Variants in HOOK3 observed in about 807,000 individuals in gnomAD.
The protein encoded by HOOK3 is hook microtubule tethering protein 3, also known as protein Hook homolog 3.
HOOK3 carries 24 observed loss-of-function variants against 116.3 expected under a neutral mutation model. That is an observed-to-expected ratio of 0.21 (90% CI 0.15 to 0.29). The LOEUF (loss-of-function observed/expected upper bound fraction) is 0.29, where lower values mean the gene tolerates loss of function less well. Among genes scored for constraint, HOOK3 ranks in the 10% least tolerant of loss-of-function variants. HOOK3 has a pLI of 1.00. For missense variants in HOOK3, 632 were observed against 830.2 expected, an observed-to-expected ratio of 0.76 and a Z score of 2.93; for synonymous variants, 275 against 283.0, an observed-to-expected ratio of 0.97 and a Z score of 0.28.
intron 15 of HOOK3, among the ~76,000 whole-genome samples, chr8:42,994,975 C>T (rs1324010679): frequency 2.6e-5 from 4 of 152,134 alleles, no homozygotes; most frequent in Non-Finnish European, 5.9e-5. Flanking sequence ...ATACATATTT[C>T]CATTTTGCTT....
rs1797612275 is a variant in HOOK3 at position 43,024,339 on chromosome 8, A to G, written c.*5841A>G. Reference sequence around the variant, plus strand: ...CAGTGAAGCCTGTGTAATACCATACAGTAGGATGAAAGACTATTCTGAGCA... The same window carrying G: ...CAGTGAAGCCTGTGTAATACCATACGGTAGGATGAAAGACTATTCTGAGCA... On this transcript the variant is annotated 3_prime_UTR_variant, in exon 22 of 22. Transcript: ENST00000307602. 5.1e-6 allele frequency: 1 copy of G among 194,586 alleles called. No homozygotes were observed. Among genetic ancestry groups the G allele is most frequent in the Admixed American group, 6.1e-5 (1 of 16,420 alleles). 12.1% of individuals were successfully genotyped at this position (194,586 alleles called of 1,614,324 possible).
At chr8:43,000,148 A>G (rs1211576853) in intron 16 of HOOK3, 3 of 594,788 alleles carry the variant, frequency 5.0e-6, no homozygotes, top group Non-Finnish European at 8.2e-6. Flanking sequence ...ACTCCGTCTG[A>G]AAAAAGAAAG....
At chr8:42,963,285 C>T (rs2130419324) in intron 8 of HOOK3, among the ~76,000 whole-genome samples, 1 of 152,252 alleles carries the variant, frequency 6.6e-6, no homozygotes, top group South Asian at 2.1e-4. Flanking sequence ...TCCAAAAATC[C>T]AAAAGCTGAA....
intron 6 of HOOK3, among the ~76,000 whole-genome samples, chr8:42,954,722 A>G (rs770663264): frequency 5.3e-5 from 8 of 152,256 alleles, no homozygotes; most frequent in Non-Finnish European, 8.8e-5. Flanking sequence ...CATGAAAAAG[A>G]TAGACATGGT....
chr8:42,913,826 A>G (rs1401668351), intron 2 of HOOK3, among the ~76,000 whole-genome samples: 1 of 152,002 alleles, frequency 6.6e-6, no homozygotes, highest in Non-Finnish European at 1.5e-5. Context: ...GTGGCTGTCT[A>G]GTGGTTTTAA....
chr8:43,025,879 T>G lies in HOOK3; in HGVS notation c.*7381T>G, dbSNP rs1401040803. On this transcript the variant is annotated 3_prime_UTR_variant, in exon 22 of 22. Coordinates refer to ENST00000307602, the MANE Select transcript of HOOK3 (RefSeq NM_032410.4). ...AAGGCAAAAGTAGACATTTTTAAAG[T>G]ATATTCAACATTGTGCCATTATTTA... The G allele has an allele frequency of 9.5e-6, 2 of 209,878 alleles. No homozygotes were observed. Among genetic ancestry groups the G allele is most frequent in the Non-Finnish European group, 1.9e-5 (2 of 103,542 alleles). The allele number at this position is 209,878 out of a possible 1,614,324, so 13.0% of individuals were successfully genotyped here.
At chr8:42,951,670 G>A (rs187021957) in intron 6 of HOOK3, among the ~76,000 whole-genome samples, 2 of 152,082 alleles carry the variant, frequency 1.3e-5, no homozygotes, top group East Asian at 1.9e-4. Flanking sequence ...GGCCGGGTGC[G>A]GTGGCCTCAC....
At chr8:42,951,663 C>T (rs118032841) in intron 6 of HOOK3, among the ~76,000 whole-genome samples, 2,049 of 152,104 alleles carry the variant, frequency 0.013, 26 homozygotes, top group South Asian at 0.026. Context: ...GAAGACAGGC[C>T]GGGTGCGGTG....
At chr8:42,936,856 T>G (rs1807981022) in intron 4 of HOOK3, among the ~76,000 whole-genome samples, 1 of 152,186 alleles carries the variant, frequency 6.6e-6, no homozygotes, top group Non-Finnish European at 1.5e-5. Context: ...ATTTTCTTTT[T>G]TTCTTGTGTC....
At chr8:42,986,051 T>C (rs937086987) in intron 14 of HOOK3, among the ~76,000 whole-genome samples, 1 of 152,224 alleles carries the variant, frequency 6.6e-6, no homozygotes, top group Admixed American at 6.5e-5. Context: ...TGTCTTCATA[T>C]GAACTAACAT....
intron 17 of HOOK3, among the ~76,000 whole-genome samples, chr8:43,007,261 G>A (rs781659715): frequency 3.9e-5 from 6 of 151,966 alleles, no homozygotes; most frequent in South Asian, 2.1e-4. Context: ...CAAGTGATCC[G>A]CCTGCCAAGG....
chr8:42,975,008 A>G (rs1472164980), intron 13 of HOOK3, among the ~76,000 whole-genome samples: 6 of 152,036 alleles, frequency 3.9e-5, no homozygotes, highest in African/African-American at 1.4e-4. Flanking sequence ...TCACTAGAGG[A>G]TATGAACTCC....
intron 6 of HOOK3, 67 bp from the exon 7 acceptor site, chr8:42,957,027 T>C (rs902076924): frequency 7.6e-6 from 6 of 786,428 alleles, no homozygotes; most frequent in South Asian, 4.0e-5. Flanking sequence ...CATTTTCTTA[T>C]GTTAAGTATT....
At chr8:42,906,144 CT>C (rs1563287797) in intron 1 of HOOK3, 28 bp from the exon 2 acceptor site, 5 of 639,804 alleles carry the variant, frequency 7.8e-6, no homozygotes, top group African/African-American at 2.0e-5. Flanking sequence ...CACAGAATCT[CT>C]CCCCCCCCCC....
intron 2 of HOOK3, among the ~76,000 whole-genome samples, chr8:42,910,991 C>T (rs572917355): frequency 4.6e-5 from 7 of 152,164 alleles, no homozygotes; most frequent in African/African-American, 1.2e-4. Context: ...GATTTCTTCA[C>T]GGAGGGAAGA....
At chr8:43,016,262 C>T (rs925827832) in intron 21 of HOOK3, among the ~76,000 whole-genome samples, 3 of 151,290 alleles carry the variant, frequency 2.0e-5, no homozygotes, top group South Asian at 2.1e-4. Flanking sequence ...GGACTACAGG[C>T]GCCCGACACC....
chr8:42,934,635 A>T (rs759918566), intron 4 of HOOK3, among the ~76,000 whole-genome samples: 2 of 151,866 alleles, frequency 1.3e-5, no homozygotes, highest in Non-Finnish European at 2.9e-5. Context: ...GAGTGAGAAC[A>T]TGCGGTGTTT....
At position 42,973,394 on chromosome 8, in the gene HOOK3, A is replaced by G. The variant is rs765833543; in HGVS notation, c.1228A>G (p.Lys410Glu). The change falls in exon 12 of 22, where the codon AAG (lysine) becomes GAG (glutamate). Residue 410 changes from lysine (K) to glutamate (E), a missense_variant. By Grantham distance (56) the Lys-to-Glu change is moderately conservative (BLOSUM62 1). Transcript: ENST00000307602. ...KEKVDSLQKE[K>E]DRLRTERDSL... Reference sequence around the variant, plus strand: ...AAAAGTTGACAGTCTTCAAAAAGAAAAGGACGTGAGTATATATATTAGGCA... The same window carrying G: ...AAAAGTTGACAGTCTTCAAAAAGAAGAGGACGTGAGTATATATATTAGGCA... The G allele has an allele frequency of 6.2e-7, 1 of 1,609,800 alleles. No individual in the cohort carries two copies. Among genetic ancestry groups the G allele is most frequent in the South Asian group, 1.1e-5 (1 of 90,786 alleles).
At chr8:42,942,796 A>C (rs1202741689) in intron 4 of HOOK3, among the ~76,000 whole-genome samples, 1 of 152,216 alleles carries the variant, frequency 6.6e-6, no homozygotes, top group African/African-American at 2.4e-5. Flanking sequence ...TGTCAGGCAG[A>C]GACCTGCCCA....
Sources: gnomAD v4.1 joint callset for allele counts (sites outside exome capture counted in the v4.1 genomes callset) on GRCh38, gnomAD v4.1.1 for gene constraint, MANE v1.5 for transcripts, NCBI Gene and HGNC (gene_info 2026-07-23, HGNC 2026-07-21) for gene names.